Variants in ITGA2 observed in about 807,000 individuals in gnomAD.
ITGA2 encodes the protein integrin alpha-2.
A neutral mutation model predicts 146.3 loss-of-function variants in ITGA2; 101 were observed. The ratio of observed to expected loss-of-function variants is 0.69; its 90% confidence interval spans 0.59 to 0.81. ITGA2 has a LOEUF of 0.81. Among genes scored for constraint, ITGA2 ranks in the 40% least tolerant of loss-of-function variants. ITGA2 has a pLI of 0.00. For missense variants in ITGA2, 1,281 were observed against 1,402.7 expected, an observed-to-expected ratio of 0.91 and a Z score of 1.39; for synonymous variants, 477 against 487.1, an observed-to-expected ratio of 0.98 and a Z score of 0.27.
intron 16 of ITGA2, among the ~76,000 whole-genome samples, chr5:53,067,742 T>C (rs138289210): frequency 3.3e-5 from 5 of 152,074 alleles, no homozygotes; most frequent in Admixed American, 1.3e-4. Context: ...CCCAGTGTTT[T>C]AAATGTTCTA....
rs1579893775 is a variant in ITGA2, at chr5:53,074,321, G to A, written c.2572-64G>A. The A allele has an allele frequency of 4.0e-6, 5 of 1,240,506 alleles. No individual in the cohort carries two copies. The East Asian group carries it at 1.2e-4, about 29-fold the overall frequency. 76.8% of individuals were successfully genotyped at this position (1,240,506 alleles called of 1,614,324 possible). ...TGCCACTGTACCTCTTTTACCAGGT[G>A]CGTGCATACACACACAAATGTTGTA... is the stretch of plus-strand genomic sequence containing the variant. On this transcript the variant is annotated intron_variant, in intron 20 of 29. Transcript: ENST00000296585.
At chr5:52,996,100 G>C (rs1334011664) in intron 1 of ITGA2, among the ~76,000 whole-genome samples, 4 of 152,178 alleles carry the variant, frequency 2.6e-5, no homozygotes, top group Admixed American at 6.5e-5. Context: ...GAAATGTAGA[G>C]AGTGTGAGAA....
intron 1 of ITGA2, 44 bp downstream of exon 1, chr5:52,989,576 C>T (rs376967116): frequency 1.9e-6 from 3 of 1,606,658 alleles, no homozygotes; most frequent in Non-Finnish European, 2.6e-6. Flanking sequence ...GAGGGACCCG[C>T]GCGGCTTCCT....
At chr5:53,016,243 G>T (rs1316435540) in intron 1 of ITGA2, among the ~76,000 whole-genome samples, 1 of 152,070 alleles carries the variant, frequency 6.6e-6, no homozygotes, top group Non-Finnish European at 1.5e-5. Context: ...TCCATATCTA[G>T]CACCCCCTTA....
chr5:53,047,653 A>C (rs574878958), intron 4 of ITGA2, among the ~76,000 whole-genome samples: 1 of 152,310 alleles, frequency 6.6e-6, no homozygotes, highest in Admixed American at 6.5e-5. Flanking sequence ...GAATCTGGCA[A>C]CACAACCTAT....
chr5:53,087,609 A>T (rs1740167498), intron 28 of ITGA2, among the ~76,000 whole-genome samples: 1 of 149,924 alleles, frequency 6.7e-6, no homozygotes, highest in African/African-American at 2.5e-5. Context: ...GGAGGACTAT[A>T]AATGGTCCCC....
In ITGA2 at chr5:53,072,059, C is replaced by T. The variant is rs1437681734; in HGVS notation, c.2346+11C>T. 1 of 1,552,910 alleles carries T rather than the reference C, an allele frequency of 6.4e-7. No individual in the cohort carries two copies. Among genetic ancestry groups the T allele is most frequent in the Non-Finnish European group, 8.9e-7 (1 of 1,125,370 alleles). Reference sequence around the variant, plus strand: ...GCCAAGGTCTTCAGTGTAAGTGCAGCTTACACTTCCTGGATTTAGACTGGC... The same window carrying T: ...GCCAAGGTCTTCAGTGTAAGTGCAGTTTACACTTCCTGGATTTAGACTGGC... On this transcript the variant is annotated intron_variant, in intron 18 of 29. Coordinates refer to ENST00000296585, the MANE Select transcript of ITGA2 (RefSeq NM_002203.4).
At chr5:53,080,937 G>T (rs949591057) in intron 25 of ITGA2, among the ~76,000 whole-genome samples, 1 of 152,154 alleles carries the variant, frequency 6.6e-6, no homozygotes, top group Non-Finnish European at 1.5e-5. Flanking sequence ...AGCATAGCAG[G>T]TCTTCACAGC....
At chr5:53,060,630 G>T (rs973817039) in intron 11 of ITGA2, among the ~76,000 whole-genome samples, 1 of 151,848 alleles carries the variant, frequency 6.6e-6, no homozygotes, top group Non-Finnish European at 1.5e-5. Flanking sequence ...TGAATGCCAG[G>T]TTCACAGGTG....
At chr5:53,045,235 T>A in intron 4 of ITGA2, 143 bp downstream of exon 4, 2 of 695,994 alleles carry the variant, frequency 2.9e-6, no homozygotes, top group South Asian at 3.3e-5. Context: ...GGCTATCCAA[T>A]GTTGAATATT....
intron 1 of ITGA2, among the ~76,000 whole-genome samples, chr5:52,994,197 G>A (rs1435551941): frequency 6.6e-6 from 1 of 152,196 alleles, no homozygotes. Flanking sequence ...TAGGCTCAAG[G>A]TGGAATCAGA....
intron 12 of ITGA2, 67 bp from the exon 13 acceptor site, chr5:53,062,719 G>A (rs1035986265): frequency 4.0e-6 from 6 of 1,515,984 alleles, no homozygotes; most frequent in South Asian, 1.1e-5. Context: ...GCAAGTAAAT[G>A]TTCAGTGTAA....
intron 23 of ITGA2, among the ~76,000 whole-genome samples, chr5:53,078,242 A>C (rs1299462249): frequency 6.6e-6 from 1 of 152,106 alleles, no homozygotes; most frequent in Non-Finnish European, 1.5e-5. Flanking sequence ...CCTCATTCAG[A>C]CCCAAACCAT....
intron 27 of ITGA2, among the ~76,000 whole-genome samples, chr5:53,085,533 C>T (rs1007863263): frequency 6.6e-6 from 1 of 152,034 alleles, no homozygotes; most frequent in Non-Finnish European, 1.5e-5. Flanking sequence ...TTTTCTTAAA[C>T]TTAAACCATT....
chr5:53,062,280 G>A (rs1227138232), intron 12 of ITGA2, among the ~76,000 whole-genome samples: 1 of 151,806 alleles, frequency 6.6e-6, no homozygotes, highest in Non-Finnish European at 1.5e-5. Flanking sequence ...AAGCCTTCCT[G>A]ACTCTCCTGC....
At chr5:53,022,617 A>C (rs1191363046) in intron 1 of ITGA2, among the ~76,000 whole-genome samples, 8 of 152,148 alleles carry the variant, frequency 5.3e-5, no homozygotes, top group African/African-American at 1.7e-4. Flanking sequence ...CCCAGTCTGC[A>C]GTGCAGTGGT....
chr5:53,085,751 A>T (rs1442440274), intron 27 of ITGA2, among the ~76,000 whole-genome samples: 1 of 152,180 alleles, frequency 6.6e-6, no homozygotes, highest in Non-Finnish European at 1.5e-5. Flanking sequence ...TATGTCCAAT[A>T]ATGTGCCCTA....
At chr5:53,065,323 A>G (rs1413582819) in intron 14 of ITGA2, among the ~76,000 whole-genome samples, 1 of 151,990 alleles carries the variant, frequency 6.6e-6, no homozygotes, top group African/African-American at 2.4e-5. Context: ...CACAATTCTG[A>G]TCTTTGTGTG....
rs532339645 is a variant in ITGA2, at chr5:53,069,999, A to G, written c.2084-110A>G. 2.1e-4 allele frequency: 176 copies of G among 854,978 alleles called. 1 individual carries two copies. The African/African-American group carries it at 2.4e-3, about 12-fold the overall frequency. The allele number at this position is 854,978 out of a possible 1,614,324, so 53.0% of individuals were successfully genotyped here. A position where few individuals can be genotyped will look rare whatever the true frequency, so the allele number is the denominator to read the frequency against. On this transcript the variant is annotated intron_variant, in intron 16 of 29. Coordinates refer to ENST00000296585, the MANE Select transcript of ITGA2 (RefSeq NM_002203.4). ...AGCCACCAATATGAAGACTATTTCC[A>G]TATTTTCTTGATGTGAGATACTTTG...
Sources: gnomAD v4.1 joint callset for allele counts (sites outside exome capture counted in the v4.1 genomes callset) on GRCh38, gnomAD v4.1.1 for gene constraint, MANE v1.5 for transcripts, NCBI Gene and HGNC (gene_info 2026-07-23, HGNC 2026-07-21) for gene names.